Variants in RSAD2 observed in about 807,000 individuals in gnomAD.
RSAD2 encodes radical S-adenosyl methionine domain containing 2, also known as S-adenosylmethionine-dependent nucleotide dehydratase RSAD2.
Under a neutral mutation model 37.7 loss-of-function variants are expected in RSAD2, and 38 were observed. The ratio of observed to expected loss-of-function variants is 1.01; its 90% CI spans 0.78 to 1.32. The LOEUF is 1.32. Among genes scored for constraint, RSAD2 ranks in the 40% most tolerant of loss-of-function variants. RSAD2 has a pLI of 0.00. For missense variants in RSAD2, 428 were observed against 437.5 expected (o/e 0.98, Z 0.19); for synonymous variants, 163 against 157.4 (o/e 1.04, Z -0.27).
At chr2:6,865,980 G>T in exon 1 of RSAD2, 2 of 931,560 alleles carry the variant, frequency 2.1e-6, no homozygotes, top group South Asian at 1.9e-5. Flanking sequence ...CCGCGGGCCT[G>T]CGCGGTCCCC....
chr2:6,879,799 T>C (rs1284482183), intron 1 of RSAD2, among the ~76,000 whole-genome samples: 1 of 152,170 alleles, frequency 6.6e-6, no homozygotes, highest in African/African-American at 2.4e-5. Context: ...ATGTTTTAGA[T>C]AAATGAATGA....
chr2:6,878,746 G>T (rs925329546), intron 1 of RSAD2: 2 of 887,118 alleles, frequency 2.3e-6, no homozygotes, highest in Non-Finnish European at 3.0e-6. Context: ...AACTCAGCAC[G>T]TGACCTTCGA....
At chr2:6,884,774 T>C (rs1241493286) in intron 2 of RSAD2, among the ~76,000 whole-genome samples, 1 of 152,198 alleles carries the variant, frequency 6.6e-6, no homozygotes, top group African/African-American at 2.4e-5. Flanking sequence ...CTATAGTGCA[T>C]GAGTGGAGCG....
intron 2 of RSAD2, among the ~76,000 whole-genome samples, chr2:6,884,635 T>A (rs1572157045): frequency 6.6e-6 from 1 of 152,246 alleles, no homozygotes; most frequent in South Asian, 2.1e-4. Context: ...GTCAAATCTC[T>A]CAGGCTTGTG....
intron 5 of RSAD2, 46 bp from the exon 6 acceptor site, chr2:6,895,732 G>T: frequency 6.5e-7 from 1 of 1,536,594 alleles, no homozygotes; most frequent in Non-Finnish European, 8.9e-7. Flanking sequence ...AGTTTTACAG[G>T]ATTCATCACA....
At chr2:6,881,580 T>C (rs1663401941) in intron 1 of RSAD2, among the ~76,000 whole-genome samples, 2 of 152,260 alleles carry the variant, frequency 1.3e-5, no homozygotes, top group African/African-American at 2.4e-5. Context: ...GCTTTAACCA[T>C]ATTACCTTGG....
At chr2:6,893,613 A>C in intron 4 of RSAD2, 58 bp from the exon 5 acceptor site, 1 of 1,330,600 alleles carries the variant, frequency 7.5e-7, no homozygotes, top group Admixed American at 1.7e-5. Context: ...TGGACAATTG[A>C]GCTCACATAC....
chr2:6,883,221 T>G lies in RSAD2; in HGVS notation c.347-150T>G, dbSNP rs1663448833. ...TTAAACATATGCTATTCCCATTGGG[T>G]GGGATTGGTGTTGGGAACTAGGGTT... On this transcript the variant is annotated intron_variant, in intron 1 of 5. Coordinates refer to ENST00000382040, the MANE Select transcript of RSAD2 (RefSeq NM_080657.5). 1.1e-5 allele frequency: 8 copies of G among 740,504 alleles called. No homozygotes were observed. In the East Asian group the frequency reaches 1.9e-4, roughly 18 times the overall value. The allele number at this position is 740,504 out of a possible 1,614,324, so 45.9% of individuals were successfully genotyped here. A position where few individuals can be genotyped will look rare whatever the true frequency, so the allele number is the denominator to read the frequency against.
upstream of RSAD2, chr2:6,877,746 A>C (rs914573051): frequency 3.6e-6 from 5 of 1,370,802 alleles, no homozygotes; most frequent in African/African-American, 5.8e-5. Context: ...TTCCATCCCT[A>C]TATAAAGAGA....
chr2:6,871,078 A>G (rs533968162), intron 1 of RSAD2, among the ~76,000 whole-genome samples: 1 of 152,252 alleles, frequency 6.6e-6, no homozygotes, highest in Non-Finnish European at 1.5e-5. Flanking sequence ...GACAATGGGA[A>G]GCCTTTTTCA....
At chr2:6,868,677 C>A (rs937496275) in intron 1 of RSAD2, among the ~76,000 whole-genome samples, 1 of 152,194 alleles carries the variant, frequency 6.6e-6, no homozygotes, top group African/African-American at 2.4e-5. Flanking sequence ...TTCATTCTAG[C>A]AATTTGTGGG....
rs1663768179 is a variant in RSAD2, at chr2:6,895,977, G to A, written c.*35G>A. On this transcript the variant is annotated 3_prime_UTR_variant, in exon 6 of 6. Coordinates refer to ENST00000382040, the MANE Select transcript of RSAD2 (RefSeq NM_080657.5). ...TGGAACGAGACTTCAACACACCAGTGGGAAAACTCCTAGAGTAACTGCCAT... is the reference window on the plus strand; with the variant it reads ...TGGAACGAGACTTCAACACACCAGTAGGAAAACTCCTAGAGTAACTGCCAT... 1 of 1,598,570 alleles carries A rather than the reference G, an allele frequency of 6.3e-7. No individual in the cohort carries two copies. The highest frequency in any genetic ancestry group is 8.6e-7 in the Non-Finnish European group (1 of 1,169,286).
At chr2:6,881,660 A>G (rs1415057959) in intron 1 of RSAD2, among the ~76,000 whole-genome samples, 2 of 152,238 alleles carry the variant, frequency 1.3e-5, no homozygotes, top group African/African-American at 4.8e-5. Context: ...TCATTCTCCT[A>G]GAATGCAGGC....
chr2:6,877,623 T>C (rs1663307681), upstream of RSAD2: 2 of 597,634 alleles, frequency 3.3e-6, no homozygotes, highest in South Asian at 4.1e-5. Flanking sequence ...GTCTTGGCCC[T>C]GTTTCAACTT....
At chr2:6,866,719 A>C (rs1663099882) in intron 1 of RSAD2, 1 of 152,276 alleles carries the variant, frequency 6.6e-6, no homozygotes, top group East Asian at 1.9e-4. Flanking sequence ...AAATGATGTC[A>C]AGCAAACCAA....
intron 4 of RSAD2, among the ~76,000 whole-genome samples, chr2:6,890,659 A>G (rs1663612386): frequency 1.3e-5 from 2 of 152,226 alleles, no homozygotes; most frequent in South Asian, 4.1e-4. Context: ...CATGCATGAC[A>G]TAACCCCTAA....
At position 6,877,883 on chromosome 2, in the gene RSAD2, T is replaced by C; in HGVS notation, c.83T>C (p.Leu28Pro). The change falls in exon 1 of 6, where the codon CTG (leucine) becomes CCG (proline). Residue 28 changes from leucine to proline, a missense_variant. By Grantham distance (98) the Leu-to-Pro change is moderately conservative. Coordinates refer to ENST00000382040, the MANE Select transcript of RSAD2 (RefSeq NM_080657.5). ...RQPLSSLWRS[L>P]VPLFCWLRAT... ...CCTCTGAGCTCTCTGTGGAGGAGCC[T>C]GGTCCCGCTGTTCTGCTGGCTGAGG... is the stretch of plus-strand genomic sequence containing the variant. 1 of 1,614,136 alleles carries C rather than the reference T, an allele frequency of 6.2e-7. No individual in the cohort carries two copies. The highest frequency in any genetic ancestry group is 8.5e-7 in the Non-Finnish European group (1 of 1,180,026).
rs773997489 is a variant in RSAD2 at position 6,877,992 on chromosome 2, G to T, written c.192G>T (p.Glu64Asp). 6.2e-7 allele frequency: 1 copy of T among 1,614,116 alleles called. No individual in the cohort carries two copies. Among genetic ancestry groups the T allele is most frequent in the South Asian group, 1.1e-5 (1 of 91,082 alleles). Residue 64 changes from glutamate to aspartate, a missense_variant, in exon 1 of 6, where the codon GAG (glutamate) becomes GAT (aspartate). By Grantham distance (45) the Glu-to-Asp change is conservative. Transcript: ENST00000382040. ...RGPDETKEEE[E>D]DPPLPTTPTS... Reference sequence around the variant, plus strand: ...CAGATGAGACCAAAGAGGAGGAAGAGGACCCTCCTCTGCCCACCACCCCAA... The same window carrying T: ...CAGATGAGACCAAAGAGGAGGAAGATGACCCTCCTCTGCCCACCACCCCAA...
chr2:6,870,426 C>G (rs746653005), intron 1 of RSAD2, among the ~76,000 whole-genome samples: 15 of 152,184 alleles, frequency 9.9e-5, no homozygotes, highest in Non-Finnish European at 1.6e-4. Flanking sequence ...AACAGGATTA[C>G]AACTTTGGGA....
Sources: allele counts gnomAD v4.1 joint callset (sites outside exome capture counted in the v4.1 genomes callset), GRCh38; gene constraint gnomAD v4.1.1; transcripts MANE v1.5; gene names NCBI Gene and HGNC (gene_info 2026-07-23, HGNC 2026-07-21).